Variants in B4GALT1 observed in about 807,000 individuals in gnomAD.
B4GALT1 encodes beta-1,4-galactosyltransferase 1, also known as N-acetyllactosamine synthase.
In B4GALT1, 16 loss-of-function variants were observed where a neutral mutation model predicts 34.9. The ratio of observed to expected loss-of-function variants is 0.46; its 90% CI spans 0.31 to 0.70. B4GALT1 has a LOEUF of 0.70. Among genes scored for constraint, B4GALT1 ranks in the 30% least tolerant of loss-of-function variants. B4GALT1 has a pLI of 0.05. For missense variants in B4GALT1, 445 were observed against 530.5 expected, an observed-to-expected ratio of 0.84 and a Z score of 1.58; for synonymous variants, 221 against 218.1, an observed-to-expected ratio of 1.01 and a Z score of -0.12.
downstream of B4GALT1, among the ~76,000 whole-genome samples, chr9:33,109,407 G>A (rs1334043992): frequency 6.6e-6 from 1 of 152,202 alleles, no homozygotes; most frequent in East Asian, 1.9e-4. Flanking sequence ...AATAAGACCA[G>A]TAAATGTTAA....
chr9:33,122,583 G>T (rs962735417), intron 2 of B4GALT1, among the ~76,000 whole-genome samples: 2 of 152,174 alleles, frequency 1.3e-5, no homozygotes, highest in Non-Finnish European at 2.9e-5. Flanking sequence ...TGTGCGTACA[G>T]AATGCACAGA....
chr9:33,167,426 C>T (rs1257981262), upstream of B4GALT1: 5 of 209,430 alleles, frequency 2.4e-5, no homozygotes, highest in South Asian at 3.7e-4. Context: ...GTTTTCTGGA[C>T]GAGGGCGGGA....
At chr9:33,153,983 GA>G (rs1388631771) in intron 1 of B4GALT1, among the ~76,000 whole-genome samples, 3 of 130,182 alleles carry the variant, frequency 2.3e-5, no homozygotes, top group Non-Finnish European at 4.7e-5. Context: ...GAGAGGAGGG[GA>G]AAAGAAGGGA....
chr9:33,118,633 G>A (rs1371681901), intron 3 of B4GALT1, among the ~76,000 whole-genome samples: 2 of 151,734 alleles, frequency 1.3e-5, no homozygotes, highest in African/African-American at 4.8e-5. Context: ...TCACGCCACT[G>A]CACTCCAGGC....
At chr9:33,154,031 AAGGGAGGGAGGGAGGG>A (rs35884423) in intron 1 of B4GALT1, among the ~76,000 whole-genome samples, 35 of 70,202 alleles carry the variant, frequency 5.0e-4, no homozygotes, top group South Asian at 2.7e-3. Flanking sequence ...GGAAGGAAGG[AAGGGAGGGAGGGAGGG>A]AGGGAGGGAG....
At chr9:33,138,997 C>T (rs1317785749) in intron 1 of B4GALT1, among the ~76,000 whole-genome samples, 2 of 152,158 alleles carry the variant, frequency 1.3e-5, no homozygotes, top group African/African-American at 4.8e-5. Flanking sequence ...CACGCCCACT[C>T]GCTCCCATGC....
intron 1 of B4GALT1, among the ~76,000 whole-genome samples, chr9:33,138,110 A>T (rs752034152): frequency 1.3e-5 from 2 of 152,194 alleles, no homozygotes; most frequent in Non-Finnish European, 2.9e-5. Flanking sequence ...GAAAACAGGA[A>T]TTCACATGTG....
upstream of B4GALT1, among the ~76,000 whole-genome samples, chr9:33,169,176 A>T (rs947984467): frequency 1.3e-5 from 2 of 152,238 alleles, no homozygotes; most frequent in Non-Finnish European, 2.9e-5. Flanking sequence ...TCCACAGAGC[A>T]TCCAGGAAAT....
At chr9:33,107,201 G>A (rs969761406), downstream of B4GALT1, among the ~76,000 whole-genome samples, 1 of 152,178 alleles carries the variant, frequency 6.6e-6, no homozygotes, top group African/African-American at 2.4e-5. Context: ...TGGGGACACT[G>A]CCAAAGACGG....
Position 33,167,103 on chromosome 9 carries a change from A to G in B4GALT1, c.67T>C (p.Cys23Arg), listed in dbSNP as rs760409162. Residue 23 changes from cysteine (C) to arginine (R), a missense_variant, in exon 1 of 6, where the codon TGC (cysteine) becomes CGC (arginine). Coordinates refer to ENST00000379731, the MANE Select transcript of B4GALT1 (RefSeq NM_001497.4). ...GCGCAGACGGCCACGAGCAGGCGGC[A>G]GGCCCGCTGTAGGGACGCGCCTGGC... ...AMPGASLQRA[C>R]RLLVAVCALH... 10 of 1,604,904 alleles carry G rather than the reference A, an allele frequency of 6.2e-6. No homozygotes were observed. In the African/African-American group the frequency reaches 1.3e-4, roughly 21 times the overall value.
chr9:33,147,693 A>G (rs1363039677), intron 1 of B4GALT1, among the ~76,000 whole-genome samples: 4 of 152,256 alleles, frequency 2.6e-5, no homozygotes, highest in Admixed American at 6.5e-5. Flanking sequence ...CAGAAAAAGA[A>G]GAGTGCTGGT....
At chr9:33,137,066 C>A (rs1409562251) in intron 1 of B4GALT1, among the ~76,000 whole-genome samples, 1 of 152,184 alleles carries the variant, frequency 6.6e-6, no homozygotes, top group Admixed American at 6.5e-5. Context: ...AGGACCTGTT[C>A]CCATTAGTTT....
At chr9:33,108,979 G>A (rs546989216), downstream of B4GALT1, among the ~76,000 whole-genome samples, 27 of 152,034 alleles carry the variant, frequency 1.8e-4, no homozygotes, top group African/African-American at 6.3e-4. Context: ...GCTTGACCCT[G>A]GTTCCTGACA....
At chr9:33,156,496 A>G (rs992557832) in intron 1 of B4GALT1, among the ~76,000 whole-genome samples, 1 of 152,218 alleles carries the variant, frequency 6.6e-6, no homozygotes, top group African/African-American at 2.4e-5. Context: ...CATTTATGCA[A>G]TTCAGTGGGC....
At chr9:33,144,476 G>A (rs1012663573) in intron 1 of B4GALT1, among the ~76,000 whole-genome samples, 3 of 151,904 alleles carry the variant, frequency 2.0e-5, no homozygotes, top group African/African-American at 7.3e-5. Flanking sequence ...CTGACCTCAC[G>A]ATCCACCCAC....
rs1839891553 is a variant in B4GALT1, at chr9:33,113,363, A to G, written c.*91T>C. 1.9e-6 allele frequency: 3 copies of G among 1,587,728 alleles called. No homozygotes were observed. Among genetic ancestry groups the G allele is most frequent in the South Asian group, 2.2e-5 (2 of 90,074 alleles). On this transcript the variant is annotated 3_prime_UTR_variant, in exon 6 of 6. Coordinates refer to ENST00000379731, the MANE Select transcript of B4GALT1 (RefSeq NM_001497.4). ...AAGGGGACCTGTCACTCAGACTGGT[A>G]AAAATGAGAGGGACCAGCCCAGCAG...
intron 1 of B4GALT1, among the ~76,000 whole-genome samples, chr9:33,143,833 G>C (rs1364048303): frequency 6.6e-6 from 1 of 151,758 alleles, no homozygotes; most frequent in Non-Finnish European, 1.5e-5. Context: ...TTCAGCTTTT[G>C]CAAATGGTCA....
At chr9:33,157,833 C>T (rs912538226) in intron 1 of B4GALT1, among the ~76,000 whole-genome samples, 6 of 152,124 alleles carry the variant, frequency 3.9e-5, no homozygotes, top group African/African-American at 1.4e-4. Flanking sequence ...CTGTTTTAAG[C>T]CCTTTCGTGG....
At chr9:33,158,557 A>C (rs1481609783) in intron 1 of B4GALT1, among the ~76,000 whole-genome samples, 1 of 152,206 alleles carries the variant, frequency 6.6e-6, no homozygotes, top group African/African-American at 2.4e-5. Context: ...TTCTTTCCAC[A>C]TGACAGCAAG....
Sources: gnomAD v4.1 joint callset for allele counts (sites outside exome capture counted in the v4.1 genomes callset) on GRCh38, gnomAD v4.1.1 for gene constraint, MANE v1.5 for transcripts, NCBI Gene and HGNC (gene_info 2026-07-23, HGNC 2026-07-21) for gene names.